Variants in MAB21L3 observed in about 807,000 individuals in gnomAD.
MAB21L3 encodes the protein mab-21 like 3.
MAB21L3 carries 36 observed loss-of-function variants against 37.7 expected under a neutral mutation model. The observed-to-expected ratio is 0.96, with a 90% confidence interval of 0.73 to 1.26. The LOEUF is 1.26. Ranked by LOEUF, MAB21L3 falls within the 50% of genes most tolerant of loss-of-function variation. The probability of loss-of-function intolerance (pLI) is 0.00; values close to 1 mark genes in which losing one functional copy is unlikely to be tolerated. For synonymous variants in MAB21L3, 186 were observed against 176.8 expected, an observed-to-expected ratio of 1.05 and a Z score of -0.41; for missense variants, 430 against 447.3, an observed-to-expected ratio of 0.96 and a Z score of 0.35.
intron 4 of MAB21L3, chr1:116,123,742 C>T (rs1659816277): frequency 4.3e-6 from 1 of 234,376 alleles, no homozygotes; most frequent in Admixed American, 5.1e-5. Flanking sequence ...CTGCATGGAA[C>T]TGAATGCATA....
chr1:116,127,444 C>A, intron 5 of MAB21L3, 22 bp from the exon 6 acceptor site: 1 of 1,607,356 alleles, frequency 6.2e-7, no homozygotes, highest in Non-Finnish European at 8.5e-7. Context: ...TTCTCCTTAT[C>A]CATTTGGTCA....
intron 7 of MAB21L3, among the ~76,000 whole-genome samples, chr1:116,130,944 G>A (rs770724012): frequency 1.9e-4 from 29 of 152,092 alleles, no homozygotes; most frequent in Non-Finnish European, 3.5e-4. Flanking sequence ...TAAATACATA[G>A]TTGCTATGAA....
chr1:116,128,007 C>G (rs943292199), intron 6 of MAB21L3, 138 bp from the exon 7 acceptor site: 5 of 885,826 alleles, frequency 5.6e-6, no homozygotes, highest in Middle Eastern at 6.8e-4. Flanking sequence ...CTCCCTGGCA[C>G]CCCCTTCTCA....
rs1660200789 is a variant in MAB21L3 at position 116,136,474 on chromosome 1, A to G, written c.*3109A>G. On this transcript the variant is annotated 3_prime_UTR_variant, in exon 8 of 8. Transcript: ENST00000369500. Reference sequence around the variant, plus strand: ...AAACCACTGCTCAATGAAATAAAAGAGGATACAAACAAATGGAAGAACATT... The same window carrying G: ...AAACCACTGCTCAATGAAATAAAAGGGGATACAAACAAATGGAAGAACATT... 6.6e-6 allele frequency among the ~76,000 whole-genome samples: 1 copy of G among 152,028 alleles called. No individual in the cohort carries two copies. Among genetic ancestry groups the G allele is most frequent in the Non-Finnish European group, 1.5e-5 (1 of 67,936 alleles).
rs909032126 is a variant in MAB21L3, at chr1:116,137,487, G to A, written c.*4122G>A. Reference sequence around the variant, plus strand: ...AAGTCAGGAAACAACAGGTGCTGGAGAGGATGTGGAGAAATAGGAAAACTT... The same window carrying A: ...AAGTCAGGAAACAACAGGTGCTGGAAAGGATGTGGAGAAATAGGAAAACTT... On this transcript the variant is annotated 3_prime_UTR_variant, in exon 8 of 8. Coordinates refer to ENST00000369500, the MANE Select transcript of MAB21L3 (RefSeq NM_152367.3). 6.8e-6 allele frequency among the ~76,000 whole-genome samples: 1 copy of A among 147,246 alleles called. No homozygotes were observed. The highest frequency in any genetic ancestry group is 2.6e-5 in the African/African-American group (1 of 38,174).
rs763462471 is a variant in MAB21L3, at chr1:116,136,595, G to A, written c.*3230G>A. ...ATGCCATCCCCATCAAGCTACCAAT[G>A]ACTTTCTTCACAGAATTGGAAAAAA... On this transcript the variant is annotated 3_prime_UTR_variant, in exon 8 of 8. Transcript: ENST00000369500. Among the ~76,000 whole-genome samples, 4 of 152,198 alleles carry A rather than the reference G, an allele frequency of 2.6e-5. No homozygotes were observed. The highest frequency in any genetic ancestry group is 4.4e-5 in the Non-Finnish European group (3 of 68,020).
intron 3 of MAB21L3, among the ~76,000 whole-genome samples, chr1:116,116,448 T>C (rs933104033): frequency 1.3e-5 from 2 of 152,190 alleles, no homozygotes; most frequent in African/African-American, 4.8e-5. Flanking sequence ...GCTTGTTAGA[T>C]GCCAGAACAG....
At position 116,112,518 on chromosome 1, in the gene MAB21L3, A is replaced by T; in HGVS notation, c.-98A>T. On this transcript the variant is annotated 5_prime_UTR_variant, in exon 3 of 8. Transcript: ENST00000369500. ...AAAAACTTAGTACCCAGAGACTCAC[A>T]TTACTGGGAGTGCTATCTACTCACA... The T allele has an allele frequency of 1.8e-6, 2 of 1,098,970 alleles. No homozygotes were observed. The allele number at this position is 1,098,970 out of a possible 1,614,324, so 68.1% of individuals were successfully genotyped here.
At chr1:116,129,867 G>T (rs1466405459) in intron 7 of MAB21L3, among the ~76,000 whole-genome samples, 2 of 152,134 alleles carry the variant, frequency 1.3e-5, no homozygotes, top group Non-Finnish European at 2.9e-5. Flanking sequence ...GGAAGAATCT[G>T]TTAACATCTC....
intron 3 of MAB21L3, among the ~76,000 whole-genome samples, chr1:116,117,164 T>C (rs1044043685): frequency 0.036 from 3,393 of 94,816 alleles, 187 homozygotes; most frequent in African/African-American, 0.16. Context: ...TATACATACA[T>C]ATATATATAT....
At chr1:116,128,608 A>G (rs184828866) in intron 7 of MAB21L3, among the ~76,000 whole-genome samples, 3 of 152,064 alleles carry the variant, frequency 2.0e-5, no homozygotes, top group Admixed American at 6.5e-5. Flanking sequence ...CTTCTATCCC[A>G]CTTTTCCTCC....
chr1:116,120,896 G>A (rs902388222), intron 3 of MAB21L3, 36 bp from the exon 4 acceptor site: 47 of 1,610,814 alleles, frequency 2.9e-5, no homozygotes, highest in Non-Finnish European at 3.9e-5. Flanking sequence ...GCCCACAGAG[G>A]AAATAACCAC....
chr1:116,122,331 C>T (rs147899472), intron 4 of MAB21L3, among the ~76,000 whole-genome samples: 239 of 152,328 alleles, frequency 1.6e-3, no homozygotes, highest in Non-Finnish European at 3.0e-3. Flanking sequence ...GCCAATCTAA[C>T]TTGGACACAC....
chr1:116,113,458 G>C (rs1434062404), intron 3 of MAB21L3, among the ~76,000 whole-genome samples: 2 of 152,272 alleles, frequency 1.3e-5, no homozygotes, highest in East Asian at 3.9e-4. Context: ...CCCTTTGAGG[G>C]CTCTAAGTGG....
intron 6 of MAB21L3, 24 bp from the exon 7 acceptor site, chr1:116,128,121 C>G (rs1659962894): frequency 6.3e-7 from 1 of 1,598,900 alleles, no homozygotes; most frequent in African/African-American, 1.3e-5. Flanking sequence ...TTCTTATTTC[C>G]CAATATTTTT....
Position 116,124,195 on chromosome 1 carries a change from C to T in MAB21L3, c.319C>T (p.Pro107Ser), listed in dbSNP as rs372337819. 3.1e-6 allele frequency: 5 copies of T among 1,614,090 alleles called. No individual in the cohort carries two copies. In the African/African-American group the frequency reaches 4.0e-5, roughly 13 times the overall value. The change falls in exon 5 of 8, where the codon CCT (proline) becomes TCT (serine). Residue 107 changes from proline (P) to serine (S), a missense_variant. Transcript: ENST00000369500. ...GTRLPCPLRD[P>S]EGLQQWLEVE... is the part of the protein sequence containing the mutation. ...CAGGCTGCCCTGCCCGTTGCGGGAC[C>T]CTGAGGGTCTGCAGCAGTGGCTGGA...
chr1:116,117,162 C>CACATATAT (rs1553230660), intron 3 of MAB21L3, among the ~76,000 whole-genome samples: 1 of 114,556 alleles, frequency 8.7e-6, no homozygotes, highest in African/African-American at 3.5e-5. Context: ...AATATACATA[C>CACATATAT]ATATATATAT....
chr1:116,124,315 C>T lies in MAB21L3; in HGVS notation c.439C>T (p.Arg147Trp), dbSNP rs150709821. The T allele has an allele frequency of 7.3e-5, 118 of 1,613,792 alleles. No homozygotes were observed. The highest frequency in any genetic ancestry group is 1.7e-4 in the African/African-American group (13 of 74,906). ...GCCTGCCAAGGTCCTCCTAGTGTTC[C>T]GGAAGCTGGTGGAAAATGCAGTTAG... is the stretch of plus-strand genomic sequence containing the variant. ...IVPAKVLLVF[R>W]KLVENAVRTC... The change falls in exon 5 of 8, where the codon CGG (arginine) becomes TGG (tryptophan). Residue 147 changes from arginine (R) to tryptophan (W), a missense_variant. By Grantham distance (101) the Arg-to-Trp change is moderately radical. Coordinates refer to ENST00000369500, the MANE Select transcript of MAB21L3 (RefSeq NM_152367.3).
intron 4 of MAB21L3, among the ~76,000 whole-genome samples, chr1:116,122,251 G>A (rs1659772131): frequency 6.6e-6 from 1 of 152,160 alleles, no homozygotes; most frequent in Non-Finnish European, 1.5e-5. Flanking sequence ...ATTAATCCCA[G>A]GGTGAAAATT....
Sources: allele counts gnomAD v4.1 joint callset (sites outside exome capture counted in the v4.1 genomes callset), GRCh38; gene constraint gnomAD v4.1.1; transcripts MANE v1.5; gene names NCBI Gene and HGNC (gene_info 2026-07-23, HGNC 2026-07-21).